The following PTPRN2 variants were observed in gnomAD, a reference collection of about 807,000 sequenced individuals.
PTPRN2 encodes protein tyrosine phosphatase receptor type N2.
PTPRN2 carries 74 observed loss-of-function variants against 118.8 expected under a neutral mutation model. The ratio of observed to expected loss-of-function variants is 0.62; its 90% CI spans 0.52 to 0.76. The LOEUF (loss-of-function observed/expected upper bound fraction) is 0.76. Ranked by LOEUF, PTPRN2 falls within the 30% of genes least tolerant of loss-of-function variation. The pLI, the probability that PTPRN2 is intolerant of heterozygous loss-of-function variation, is 0.00. For synonymous variants in PTPRN2, 641 were observed against 608.0 expected, an observed-to-expected ratio of 1.05 and a Z score of -0.80; for missense variants, 1,481 against 1,394.4, an observed-to-expected ratio of 1.06 and a Z score of -0.99.
At chr7:158,014,195 T>A (rs907623462) in intron 11 of PTPRN2, among the ~76,000 whole-genome samples, 2 of 148,662 alleles carry the variant, frequency 1.3e-5, no homozygotes, top group African/African-American at 5.0e-5. Flanking sequence ...CCGTCATTTG[T>A]CTATGCATCC....
intron 13 of PTPRN2, among the ~76,000 whole-genome samples, chr7:157,675,391 G>A (rs1002841067): frequency 9.2e-5 from 14 of 152,162 alleles, no homozygotes; most frequent in Non-Finnish European, 1.3e-4. Flanking sequence ...CCAGGGCCCC[G>A]GACCACACAG....
intron 11 of PTPRN2, among the ~76,000 whole-genome samples, chr7:158,059,721 C>A (rs56162951): frequency 1.2e-4 from 9 of 77,514 alleles, no homozygotes; most frequent in South Asian, 5.9e-4. Flanking sequence ...CTCCATCTGC[C>A]CACGGTGACG....
chr7:158,438,801 G>C lies in PTPRN2; in HGVS notation c.163+50934C>G, dbSNP rs1208513441. Among the ~76,000 whole-genome samples the C allele has an allele frequency of 6.6e-6, 1 of 152,114 alleles. No homozygotes were observed. Among genetic ancestry groups the C allele is most frequent in the Admixed American group, 6.5e-5 (1 of 15,280 alleles). ...AGGGGTCAGCAAACCAGAGCCCCGG[G>C]ACCTACCCCACCTGTCTTTTCATGT... On this transcript the variant is annotated intron_variant, in intron 2 of 22. Coordinates refer to ENST00000389418, the MANE Select transcript of PTPRN2 (RefSeq NM_002847.5). The surrounding 1 kb of genome is among the most constrained non-coding windows in gnomAD (Gnocchi z 4.7).
At chr7:158,404,561 G>A (rs1373717922) in intron 2 of PTPRN2, among the ~76,000 whole-genome samples, 1 of 152,092 alleles carries the variant, frequency 6.6e-6, no homozygotes. Context: ...TTAAATCCCT[G>A]TTTGGTTATA....
Position 157,987,730 on chromosome 7 carries a change from CCA to C in PTPRN2, c.1724-88995_1724-88994del, listed in dbSNP as rs1410589283. Among the ~76,000 whole-genome samples, 19 of 152,278 alleles carry C rather than the reference CCA, an allele frequency of 1.2e-4. No individual in the cohort carries two copies. The highest frequency in any genetic ancestry group is 4.6e-4 in the African/African-American group (19 of 41,532). On this transcript the variant is annotated intron_variant, in intron 11 of 22. Transcript: ENST00000389418. This position sits in a 1 kb window ranked among gnomAD's most constrained non-coding sequence, Gnocchi z 4.3. ...GGGCAGTTATTATGCAGTGTGGGATCCACAGTTACAGAGCGGATGGGGGACTA... is the reference window on the plus strand; with the variant it reads ...GGGCAGTTATTATGCAGTGTGGGATCCAGTTACAGAGCGGATGGGGGACTA...
chr7:158,026,185 C>T (rs1173795622), intron 11 of PTPRN2, among the ~76,000 whole-genome samples: 2 of 152,246 alleles, frequency 1.3e-5, no homozygotes. Flanking sequence ...TTTGTGGTTT[C>T]ATCCGGAGTA....
chr7:158,252,514 AC>A (rs1036047893), intron 3 of PTPRN2, among the ~76,000 whole-genome samples: 5 of 151,976 alleles, frequency 3.3e-5, no homozygotes, highest in Non-Finnish European at 7.4e-5. Context: ...ATCCCTCACT[AC>A]CCCCCAGCCC....
chr7:157,731,123 C>A (rs1326002004), intron 12 of PTPRN2, among the ~76,000 whole-genome samples: 2 of 152,140 alleles, frequency 1.3e-5, no homozygotes, highest in Admixed American at 6.5e-5. Flanking sequence ...TACGACTTCA[C>A]CTCTGCGCTG....
At chr7:158,171,263 A>G (rs1823607577) in intron 5 of PTPRN2, among the ~76,000 whole-genome samples, 2 of 84,590 alleles carry the variant, frequency 2.4e-5, no homozygotes, top group African/African-American at 9.4e-5. Flanking sequence ...ACATATATAT[A>G]CACACATATA....
At chr7:158,149,759 GTGCCATTGCAC>G (rs1467659235) in intron 6 of PTPRN2, among the ~76,000 whole-genome samples, 8 of 150,450 alleles carry the variant, frequency 5.3e-5, no homozygotes, top group African/African-American at 9.8e-5. Context: ...AGCTGAGATT[GTGCCATTGCAC>G]TCCAGCCTGA....
intron 3 of PTPRN2, among the ~76,000 whole-genome samples, chr7:158,263,049 TATAC>T (rs1356348541): frequency 4.8e-5 from 7 of 144,852 alleles, no homozygotes; most frequent in African/African-American, 7.8e-5. Flanking sequence ...AAAATGCACA[TATAC>T]ATTCACATTG....
chr7:157,657,330 T>C (rs1461644924), intron 13 of PTPRN2, among the ~76,000 whole-genome samples: 5 of 64,558 alleles, frequency 7.7e-5, no homozygotes, highest in Non-Finnish European at 1.2e-4. Context: ...ATCACACATA[T>C]ACACACACAT....
At chr7:158,028,534 AGAACC>A (rs1171675993) in intron 11 of PTPRN2, 1 of 152,508 alleles carries the variant, frequency 6.6e-6, no homozygotes, top group African/African-American at 2.4e-5. Flanking sequence ...GGCAGAGGAG[AGAACC>A]GCAAGCCAGG....
At chr7:157,928,456 G>A (rs1799154729) in intron 11 of PTPRN2, among the ~76,000 whole-genome samples, 1 of 152,156 alleles carries the variant, frequency 6.6e-6, no homozygotes, top group Admixed American at 6.5e-5. Context: ...CTCTTCTTGT[G>A]ATGGTGGGAT....
At chr7:158,236,376 G>A (rs1554418336) in intron 3 of PTPRN2, among the ~76,000 whole-genome samples, 2 of 152,018 alleles carry the variant, frequency 1.3e-5, no homozygotes, top group Non-Finnish European at 2.9e-5. Flanking sequence ...AAAACTTCAC[G>A]CAGGCCACCC....
chr7:157,855,098 G>A (rs1809598952), intron 12 of PTPRN2, among the ~76,000 whole-genome samples: 1 of 151,190 alleles, frequency 6.6e-6, no homozygotes, highest in Non-Finnish European at 1.5e-5. Context: ...TTGCAGGGAT[G>A]TGTGTGGGGC....
chr7:158,120,182 G>T (rs1052980459), intron 9 of PTPRN2, among the ~76,000 whole-genome samples: 3 of 152,312 alleles, frequency 2.0e-5, no homozygotes, highest in Non-Finnish European at 4.4e-5. Flanking sequence ...AGTGAAGGCT[G>T]CCAGGGGCTG....
intron 3 of PTPRN2, among the ~76,000 whole-genome samples, chr7:158,262,445 C>T (rs1016322185): frequency 6.7e-6 from 1 of 149,402 alleles, no homozygotes; most frequent in African/African-American, 2.5e-5. Context: ...TTCACACACA[C>T]TGCACACGCA....
intron 11 of PTPRN2, among the ~76,000 whole-genome samples, chr7:157,914,723 A>G (rs1176797531): frequency 1.3e-5 from 2 of 152,116 alleles, no homozygotes; most frequent in Admixed American, 1.3e-4. Flanking sequence ...AGAGTTGCCT[A>G]ATCTGCTAAA....
Sources: allele counts gnomAD v4.1 joint callset (sites outside exome capture counted in the v4.1 genomes callset), GRCh38; gene constraint gnomAD v4.1.1; non-coding constraint Gnocchi (gnomAD v3.1); transcripts MANE v1.5; gene names NCBI Gene and HGNC (gene_info 2026-07-23, HGNC 2026-07-21).